Variants in ENTHD1 observed in about 807,000 individuals in gnomAD.
ENTHD1 encodes ENTH domain containing 1, also known as ENTH domain-containing protein 1.
ENTHD1 carries 23 observed loss-of-function variants against 39.1 expected under a neutral mutation model. The observed-to-expected ratio is 0.59, with a 90% CI of 0.42 to 0.83. ENTHD1 has a LOEUF of 0.83. ENTHD1 is among the 40% of genes least tolerant of loss of function. The probability of loss-of-function intolerance (pLI) is 0.00; values close to 1 mark genes in which losing one functional copy is unlikely to be tolerated. For synonymous variants in ENTHD1, 230 were observed against 258.2 expected, an observed-to-expected ratio of 0.89 and a Z score of 1.05; for missense variants, 624 against 705.4, an observed-to-expected ratio of 0.88 and a Z score of 1.31.
intron 5 of ENTHD1, among the ~76,000 whole-genome samples, chr22:39,780,876 G>A (rs975859473): frequency 2.6e-5 from 4 of 152,018 alleles, no homozygotes; most frequent in Admixed American, 6.5e-5. Context: ...GTGGGCACCC[G>A]TAGTCCCAGC....
At chr22:39,878,789 C>T (rs2066311197) in intron 2 of ENTHD1, among the ~76,000 whole-genome samples, 1 of 151,882 alleles carries the variant, frequency 6.6e-6, no homozygotes, top group Non-Finnish European at 1.5e-5. Context: ...TAAAAACTTT[C>T]TTATTATTTA....
intron 5 of ENTHD1, among the ~76,000 whole-genome samples, chr22:39,785,132 A>AAGAT (rs35972595): frequency 0.2 from 29,661 of 152,054 alleles, 3,104 homozygotes; most frequent in African/African-American, 0.24. Context: ...TGTGAACTGA[A>AAGAT]AGATGCAAAG....
At chr22:39,812,162 CTA>C (rs2065693143) in intron 5 of ENTHD1, among the ~76,000 whole-genome samples, 1 of 152,138 alleles carries the variant, frequency 6.6e-6, no homozygotes, top group Admixed American at 6.5e-5. Context: ...GGATAATTCT[CTA>C]TTGTCAATCA....
intron 6 of ENTHD1, among the ~76,000 whole-genome samples, chr22:39,748,249 CAAA>C (rs60946846): frequency 2.3e-4 from 14 of 60,164 alleles, no homozygotes; most frequent in Non-Finnish European, 2.6e-4. Flanking sequence ...ACCCTGTCTC[CAAA>C]AAAAAAAAAA....
intron 3 of ENTHD1, among the ~76,000 whole-genome samples, chr22:39,861,002 C>T (rs1038528856): frequency 1.3e-5 from 2 of 152,162 alleles, no homozygotes; most frequent in South Asian, 4.2e-4. Flanking sequence ...TTTTAGAGCA[C>T]TTTTAGGATT....
At chr22:39,830,409 T>A (rs1279684602) in intron 4 of ENTHD1, among the ~76,000 whole-genome samples, 1 of 152,056 alleles carries the variant, frequency 6.6e-6, no homozygotes, top group Non-Finnish European at 1.5e-5. Context: ...CAGTGAGCTA[T>A]TACGAAATTA....
At chr22:39,798,143 G>GT (rs1445684442) in intron 5 of ENTHD1, among the ~76,000 whole-genome samples, 7 of 151,630 alleles carry the variant, frequency 4.6e-5, no homozygotes, top group African/African-American at 7.3e-5. Context: ...TTTATTATAG[G>GT]TTTTTTTTGA....
At chr22:39,884,213 C>G (rs1238564719) in intron 2 of ENTHD1, among the ~76,000 whole-genome samples, 1 of 151,986 alleles carries the variant, frequency 6.6e-6, no homozygotes, top group Non-Finnish European at 1.5e-5. Flanking sequence ...GAGTCTCACT[C>G]TGTTGCCCAG....
At chr22:39,869,329 G>A (rs1468729940) in intron 2 of ENTHD1, among the ~76,000 whole-genome samples, 1 of 152,134 alleles carries the variant, frequency 6.6e-6, no homozygotes, top group African/African-American at 2.4e-5. Context: ...GGGTGCAGCT[G>A]GAGGCCATTA....
At chr22:39,798,177 A>G (rs780733400) in intron 5 of ENTHD1, among the ~76,000 whole-genome samples, 2 of 152,002 alleles carry the variant, frequency 1.3e-5, no homozygotes, top group South Asian at 2.1e-4. Flanking sequence ...GGTTATTTCA[A>G]AAGACATCTT....
At chr22:39,807,863 G>A (rs2065655855) in intron 5 of ENTHD1, among the ~76,000 whole-genome samples, 1 of 151,694 alleles carries the variant, frequency 6.6e-6, no homozygotes. Context: ...TTTTAGGGGT[G>A]TGTGTGTGTA....
At chr22:39,782,796 A>C (rs2065420978) in intron 5 of ENTHD1, among the ~76,000 whole-genome samples, 1 of 152,186 alleles carries the variant, frequency 6.6e-6, no homozygotes, top group African/African-American at 2.4e-5. Context: ...AATAAAGGCC[A>C]TATATAAGAA....
chr22:39,847,063 A>G (rs1160863881), intron 3 of ENTHD1, among the ~76,000 whole-genome samples: 6 of 152,018 alleles, frequency 3.9e-5, no homozygotes, highest in Admixed American at 6.5e-5. Flanking sequence ...CAAAGGACAC[A>G]TGCACACGTA....
rs11367784 is a variant in ENTHD1, at chr22:39,766,019, C to CAAAAAAAAAAAAAAAAA, written c.833-427_833-411dup. 1.7e-3 allele frequency among the ~76,000 whole-genome samples: 81 copies of CAAAAAAAAAAAAAAAAA among 48,356 alleles called. 2 individuals are homozygous for CAAAAAAAAAAAAAAAAA. Among genetic ancestry groups the CAAAAAAAAAAAAAAAAA allele is most frequent in the African/African-American group, 2.4e-3 (32 of 13,590 alleles). The allele number at this position is 48,356 out of a possible 152,430, so 31.7% of individuals were successfully genotyped here. ...TCTATCCTTACAGAACCCTCAGCTA[C>CAAAAAAAAAAAAAAAAA]AAAAAAAAAAAAAAAAAAAAAAAAA... On this transcript the variant is annotated intron_variant, in intron 5 of 6. Coordinates refer to ENST00000325157, the MANE Select transcript of ENTHD1 (RefSeq NM_152512.4).
chr22:39,856,103 C>T (rs1271867371), intron 3 of ENTHD1, among the ~76,000 whole-genome samples: 8 of 151,948 alleles, frequency 5.3e-5, no homozygotes, highest in African/African-American at 1.5e-4. Context: ...GGAGAAACCC[C>T]GTCTCTACTA....
intron 5 of ENTHD1, among the ~76,000 whole-genome samples, chr22:39,798,011 G>A (rs992173770): frequency 1.3e-5 from 2 of 152,062 alleles, no homozygotes; most frequent in Non-Finnish European, 2.9e-5. Flanking sequence ...CTATTATTTT[G>A]TTAAATAGGT....
chr22:39,788,636 AAAG>A (rs2065478690), intron 5 of ENTHD1, among the ~76,000 whole-genome samples: 2 of 152,198 alleles, frequency 1.3e-5, no homozygotes, highest in African/African-American at 2.4e-5. Flanking sequence ...CCCAATTTTG[AAAG>A]AAGTTCTACT....
At chr22:39,881,412 A>G (rs1281248844) in intron 2 of ENTHD1, among the ~76,000 whole-genome samples, 2 of 152,238 alleles carry the variant, frequency 1.3e-5, no homozygotes, top group African/African-American at 4.8e-5. Context: ...AAAGCTGTCT[A>G]GAGATTAAGG....
intron 2 of ENTHD1, among the ~76,000 whole-genome samples, chr22:39,871,901 T>C (rs2066247429): frequency 6.6e-6 from 1 of 152,228 alleles, no homozygotes; most frequent in African/African-American, 2.4e-5. Flanking sequence ...TAAAGGAAAC[T>C]ATTTGTTCAT....
Sources: allele counts gnomAD v4.1 joint callset (sites outside exome capture counted in the v4.1 genomes callset), GRCh38; gene constraint gnomAD v4.1.1; transcripts MANE v1.5; gene names NCBI Gene and HGNC (gene_info 2026-07-23, HGNC 2026-07-21).